ZEB2: variants seen among roughly 807,000 people sequenced by gnomAD.
The protein encoded by ZEB2 is zinc finger E-box binding homeobox 2, also known as zinc finger E-box-binding homeobox 2.
Under a neutral mutation model 99.9 loss-of-function variants are expected in ZEB2, and 6 were observed. The ratio of observed to expected loss-of-function variants is 0.06; its 90% CI spans 0.03 to 0.12. ZEB2 has a LOEUF of 0.12. ZEB2 is among the 10% of genes least tolerant of loss of function. ZEB2 has a pLI of 1.00. For synonymous variants in ZEB2, 517 were observed against 542.5 expected (o/e 0.95, Z 0.65); for missense variants, 969 against 1,502.8 (o/e 0.64, Z 5.87).
At chr2:144,424,200 C>T (rs1703658994) in intron 4 of ZEB2, 3 of 347,738 alleles carry the variant, frequency 8.6e-6, no homozygotes, top group Admixed American at 8.2e-5. Flanking sequence ...TATCTTCCCA[C>T]TGTAATTTTT....
intron 9 of ZEB2, among the ~76,000 whole-genome samples, chr2:144,393,894 C>T (rs934589768): frequency 6.6e-6 from 1 of 152,154 alleles, no homozygotes; most frequent in African/African-American, 2.4e-5. Context: ...TTTATTTTTA[C>T]TTTAAAAAAC....
chr2:144,473,500 C>T (rs959308831), intron 2 of ZEB2, among the ~76,000 whole-genome samples: 3 of 152,090 alleles, frequency 2.0e-5, no homozygotes, highest in Admixed American at 2.0e-4. Context: ...TGGGCTCAAG[C>T]CATCCTACCA....
At chr2:144,405,224 T>A in intron 4 of ZEB2, 200 bp from the exon 5 acceptor site, 1 of 614,304 alleles carries the variant, frequency 1.6e-6, no homozygotes, top group Non-Finnish European at 2.8e-6. Context: ...GGCACTTTCC[T>A]TCAAGTTAAA....
intron 2 of ZEB2, among the ~76,000 whole-genome samples, chr2:144,500,923 C>T (rs183978161): frequency 6.6e-6 from 1 of 152,266 alleles, no homozygotes; most frequent in East Asian, 1.9e-4. Flanking sequence ...TAGCGCTAGC[C>T]TATCTCATCT....
At chr2:144,457,109 C>G (rs1447216374) in intron 2 of ZEB2, among the ~76,000 whole-genome samples, 1 of 152,126 alleles carries the variant, frequency 6.6e-6, no homozygotes, top group Non-Finnish European at 1.5e-5. Flanking sequence ...TTTCCAGAAT[C>G]TCATGTGTGC....
intron 2 of ZEB2, among the ~76,000 whole-genome samples, chr2:144,465,463 A>G (rs1704258552): frequency 6.6e-6 from 1 of 152,090 alleles, no homozygotes; most frequent in East Asian, 1.9e-4. Context: ...GTACATTTTG[A>G]TATCTTACTG....
At chr2:144,447,982 T>C (rs772398008) in intron 2 of ZEB2, among the ~76,000 whole-genome samples, 7 of 152,162 alleles carry the variant, frequency 4.6e-5, no homozygotes, top group Non-Finnish European at 8.8e-5. Flanking sequence ...AGGACAAGAA[T>C]ATCTATCCAC....
chr2:144,483,016 T>C (rs1573789205), intron 2 of ZEB2, among the ~76,000 whole-genome samples: 1 of 152,084 alleles, frequency 6.6e-6, no homozygotes, highest in South Asian at 2.1e-4. Flanking sequence ...AGATTCTTCA[T>C]TCAACTTAGA....
At chr2:144,393,094 T>C (rs1238354525) in intron 9 of ZEB2, among the ~76,000 whole-genome samples, 1 of 152,212 alleles carries the variant, frequency 6.6e-6, no homozygotes, top group Non-Finnish European at 1.5e-5. Context: ...ATTTAAATTT[T>C]AGAATACAAA....
chr2:144,503,930 T>C (rs1573808155), intron 2 of ZEB2: 1 of 152,036 alleles, frequency 6.6e-6, no homozygotes, highest in Non-Finnish European at 1.5e-5. Flanking sequence ...TTGTACTGGC[T>C]TTTTGTTAGC....
chr2:144,481,515 A>C (rs1704511022), intron 2 of ZEB2, among the ~76,000 whole-genome samples: 2 of 152,206 alleles, frequency 1.3e-5, no homozygotes, highest in African/African-American at 4.8e-5. Flanking sequence ...TAGAGCCCCA[A>C]GGGGTACACT....
chr2:144,427,965 C>T (rs991550099), intron 3 of ZEB2: 3 of 152,162 alleles, frequency 2.0e-5, no homozygotes, highest in Admixed American at 6.5e-5. Flanking sequence ...ATGACCAACA[C>T]AAAAAGCTGC....
chr2:144,429,524 G>A (rs112040621), intron 3 of ZEB2: 1 of 558,962 alleles, frequency 1.8e-6, no homozygotes, highest in South Asian at 2.0e-5. Context: ...TGTGTTGAAA[G>A]TGTGGTTCAT....
intron 2 of ZEB2, among the ~76,000 whole-genome samples, chr2:144,482,524 T>G (rs1337868650): frequency 1.3e-5 from 2 of 152,232 alleles, no homozygotes; most frequent in Non-Finnish European, 2.9e-5. Context: ...TTCCTCTCAA[T>G]GTCTGAATCC....
chr2:144,406,099 T>C (rs941985867), intron 4 of ZEB2, among the ~76,000 whole-genome samples: 1 of 152,232 alleles, frequency 6.6e-6, no homozygotes, highest in African/African-American at 2.4e-5. Flanking sequence ...ATAAACAATA[T>C]TATAGTATTT....
chr2:144,515,681 T>C (rs1336038786), intron 2 of ZEB2, among the ~76,000 whole-genome samples: 2 of 151,668 alleles, frequency 1.3e-5, no homozygotes, highest in Admixed American at 6.6e-5. Context: ...CAGGATAACG[T>C]AACGAACAGT....
chr2:144,494,353 C>A (rs1704730542), intron 2 of ZEB2: 1 of 152,018 alleles, frequency 6.6e-6, no homozygotes, highest in Non-Finnish European at 1.5e-5. Context: ...GACAGTGCAA[C>A]CTATGTGAAA....
In ZEB2 at chr2:144,398,709, T is replaced by C; in HGVS notation, c.2478A>G (p.Glu826=). The change falls in exon 8 of 10, where the codon GAA becomes GAG. Residue 826 remains glutamate, a synonymous_variant. Coordinates refer to ENST00000627532, the MANE Select transcript of ZEB2 (RefSeq NM_014795.4). ...TCTTTGTGGCTATAATACTTTTGGG[T>C]TCTTTCATTTGTTTTGGTAATGACA... ...LDLSLPKQMK[E]PKSIIATKNK... is the part of the protein sequence containing the mutation. 6.2e-7 allele frequency: 1 copy of C among 1,614,166 alleles called. No homozygotes were observed. Among genetic ancestry groups the C allele is most frequent in the Non-Finnish European group, 8.5e-7 (1 of 1,180,020 alleles).
chr2:144,428,278 ACT>A (rs991157320), intron 3 of ZEB2: 1 of 152,010 alleles, frequency 6.6e-6, no homozygotes, highest in Non-Finnish European at 1.5e-5. Flanking sequence ...TTCTCGCCAC[ACT>A]CTGTTTCTGT....
Sources: gnomAD v4.1 joint callset for allele counts (sites outside exome capture counted in the v4.1 genomes callset) on GRCh38, gnomAD v4.1.1 for gene constraint, MANE v1.5 for transcripts, NCBI Gene and HGNC (gene_info 2026-07-23, HGNC 2026-07-21) for gene names.